The following PLEKHA6 variants were observed in gnomAD, a reference collection of about 807,000 sequenced individuals.
PLEKHA6 encodes the protein pleckstrin homology domain-containing family A member 6.
PLEKHA6 carries 60 observed loss-of-function variants against 116.7 expected under a neutral mutation model. That is an observed-to-expected ratio of 0.51 (90% CI 0.42 to 0.64). The LOEUF (loss-of-function observed/expected upper bound fraction) is 0.64, where lower values mean the gene tolerates loss of function less well. Among genes scored for constraint, PLEKHA6 ranks in the 30% least tolerant of loss-of-function variants. The probability of loss-of-function intolerance (pLI) is 0.00; values close to 1 mark genes in which losing one functional copy is unlikely to be tolerated. For synonymous variants in PLEKHA6, 489 were observed against 556.1 expected, an observed-to-expected ratio of 0.88 and a Z score of 1.70; for missense variants, 1,338 against 1,422.7, an observed-to-expected ratio of 0.94 and a Z score of 0.96.
chr1:204,331,668 T>TCC (rs1672454401), intron 1 of PLEKHA6, among the ~76,000 whole-genome samples: 5 of 151,814 alleles, frequency 3.3e-5, no homozygotes, highest in Admixed American at 2.0e-4. Context: ...AGAGCTCAAA[T>TCC]TTGCCAAGTA....
chr1:204,237,928 T>G (rs898543626), intron 17 of PLEKHA6, among the ~76,000 whole-genome samples: 1 of 152,310 alleles, frequency 6.6e-6, no homozygotes, highest in African/African-American at 2.4e-5. Flanking sequence ...GGATGGGAAA[T>G]AAATCCGACT....
chr1:204,227,945 C>T (rs370570101), intron 21 of PLEKHA6, 138 bp downstream of exon 21: 7 of 888,798 alleles, frequency 7.9e-6, no homozygotes, highest in African/African-American at 6.8e-5. Context: ...AACAGATGCT[C>T]GTCTCAACCT....
intron 3 of PLEKHA6, among the ~76,000 whole-genome samples, chr1:204,269,699 G>A (rs150332465): frequency 1.4e-4 from 21 of 152,100 alleles, no homozygotes; most frequent in African/African-American, 4.8e-4. Flanking sequence ...CACTATCTTT[G>A]CCTCTTCCCC....
chr1:204,229,938 G>C (rs1660931508), intron 18 of PLEKHA6, among the ~76,000 whole-genome samples: 1 of 152,188 alleles, frequency 6.6e-6, no homozygotes, highest in Admixed American at 6.5e-5. Flanking sequence ...CTGCAAAATA[G>C]GGATAATAAT....
Position 204,223,732 on chromosome 1 carries a change from A to C in PLEKHA6, c.3032-147T>G. 1.6e-6 allele frequency: 1 copy of C among 611,704 alleles called. No individual in the cohort carries two copies. Among genetic ancestry groups the C allele is most frequent in the Non-Finnish European group, 2.9e-6 (1 of 339,064 alleles). 37.9% of individuals were successfully genotyped at this position (611,704 alleles called of 1,614,324 possible). ...ACTGAGCTTGGAGCTTGCTCAAGCT[A>C]GGCCAAGCTGTCCTCATTCCCAGGG... On this transcript the variant is annotated intron_variant, in intron 21 of 22. Transcript: ENST00000272203. This position sits in a 1 kb window ranked among gnomAD's most constrained non-coding sequence, Gnocchi z 4.8.
At chr1:204,361,091 G>A (rs1429781286), upstream of PLEKHA6, among the ~76,000 whole-genome samples, 1 of 152,106 alleles carries the variant, frequency 6.6e-6, no homozygotes, top group Non-Finnish European at 1.5e-5. Flanking sequence ...TGGAAACTGG[G>A]GACTGAACCA....
chr1:204,280,667 CGAGACTGTCCATGCTCCAGAG>C (rs955035131), intron 1 of PLEKHA6, among the ~76,000 whole-genome samples: 1 of 152,120 alleles, frequency 6.6e-6, no homozygotes, highest in African/African-American at 2.4e-5. Flanking sequence ...AATTCCAAGC[CGAGACTGTCCATGCTCCAGAG>C]AGGATTTCTG....
chr1:204,310,857 T>G (rs1010275548), intron 1 of PLEKHA6, among the ~76,000 whole-genome samples: 12 of 151,976 alleles, frequency 7.9e-5, no homozygotes. Flanking sequence ...GTAAAGGACA[T>G]TTAGGGAGAG....
At chr1:204,296,323 C>T (rs1412278749) in intron 1 of PLEKHA6, among the ~76,000 whole-genome samples, 2 of 151,684 alleles carry the variant, frequency 1.3e-5, no homozygotes, top group African/African-American at 2.4e-5. Context: ...CAGTGCTTTG[C>T]CTGATTTTTT....
intron 17 of PLEKHA6, among the ~76,000 whole-genome samples, chr1:204,232,062 A>C (rs1205509589): frequency 6.6e-6 from 1 of 152,226 alleles, no homozygotes; most frequent in Non-Finnish European, 1.5e-5. Flanking sequence ...TCTCAGAAGG[A>C]AATGAGAAAC....
chr1:204,228,176 C>A lies in PLEKHA6; in HGVS notation c.2938G>T (p.Asp980Tyr). The A allele has an allele frequency of 1.2e-6, 2 of 1,613,170 alleles. No homozygotes were observed. Among genetic ancestry groups the A allele is most frequent in the Non-Finnish European group, 8.5e-7 (1 of 1,179,398 alleles). ...TGCTCCTGCAGCTGGCTCTCTGAGTCCTGGGGCACGTCCACAGAGTCCCCC... is the reference window on the plus strand; with the variant it reads ...TGCTCCTGCAGCTGGCTCTCTGAGTACTGGGGCACGTCCACAGAGTCCCCC... ...GEGDSVDVPQ[D>Y]SESQLQEQEK... The change falls in exon 21 of 23, where the codon GAC becomes TAC. Residue 980 changes from aspartate to tyrosine, a missense_variant. By Grantham distance (160) the Asp-to-Tyr change is radical. Around this residue, in one of 3 missense-constraint regions of PLEKHA6, gnomAD observed 1,136 missense variants for 1,163.6 expected, o/e 0.98. Transcript: ENST00000272203. This position sits in a 1 kb window ranked among gnomAD's most constrained non-coding sequence, Gnocchi z 4.0.
At chr1:204,280,958 G>T (rs1194219102) in intron 1 of PLEKHA6, 10 of 968,434 alleles carry the variant, frequency 1.0e-5, no homozygotes, top group Non-Finnish European at 1.2e-5. Flanking sequence ...GCCACATAAA[G>T]AAGAGGTCAA....
chr1:204,249,574 T>G (rs564963512), intron 10 of PLEKHA6, among the ~76,000 whole-genome samples: 30 of 152,292 alleles, frequency 2.0e-4, no homozygotes, highest in African/African-American at 7.2e-4. Context: ...GGAGATGATA[T>G]GACCTCACCT....
At chr1:204,289,381 C>T (rs1245476761) in intron 1 of PLEKHA6, among the ~76,000 whole-genome samples, 2 of 152,216 alleles carry the variant, frequency 1.3e-5, no homozygotes, top group East Asian at 3.9e-4. Flanking sequence ...GGCTACTCCT[C>T]CTCTTGCCAG....
At chr1:204,243,016 A>G (rs58223003) in intron 15 of PLEKHA6, 2 of 398,990 alleles carry the variant, frequency 5.0e-6, no homozygotes, top group African/African-American at 4.1e-5. Flanking sequence ...GGGAAAATTA[A>G]TGGGGAAAAT....
Position 204,233,593 on chromosome 1 carries a change from C to T in PLEKHA6, c.2410-3007G>A, listed in dbSNP as rs572511010. Among the ~76,000 whole-genome samples the T allele has an allele frequency of 4.7e-3, 719 of 152,190 alleles. 9 individuals carry two copies. The highest frequency in any genetic ancestry group is 0.016 in the African/African-American group (685 of 41,520). ...GTGTTGGGATTACAGGCATGAGCCA[C>T]CGCACCCAGCCCATCTGGCTAATTT... is the stretch of plus-strand genomic sequence containing the variant. On this transcript the variant is annotated intron_variant, in intron 17 of 22. Transcript: ENST00000272203.
intron 2 of PLEKHA6, 33 bp downstream of exon 2, chr1:204,274,696 A>G (rs1413144688): frequency 4.1e-6 from 4 of 985,894 alleles, no homozygotes; most frequent in Non-Finnish European, 4.8e-6. Flanking sequence ...TTAAGGGCAG[A>G]AAGCCCAAAC....
chr1:204,242,536 GC>G (rs1662975882), intron 15 of PLEKHA6, among the ~76,000 whole-genome samples: 3 of 152,078 alleles, frequency 2.0e-5, no homozygotes, highest in Admixed American at 2.0e-4. Context: ...CCAATTTTAG[GC>G]ACAGGACTCT....
At position 204,314,561 on chromosome 1, in the gene PLEKHA6, A is replaced by G. The variant is rs1671782656; in HGVS notation, c.-94-39752T>C. Among the ~76,000 whole-genome samples, 2 of 152,196 alleles carry G rather than the reference A, an allele frequency of 1.3e-5. 1 individual carries two copies. Among genetic ancestry groups the G allele is most frequent in the South Asian group, 4.1e-4 (2 of 4,834 alleles). On this transcript the variant is annotated intron_variant, in intron 1 of 22. Coordinates refer to ENST00000272203, the MANE Select transcript of PLEKHA6 (RefSeq NM_014935.5). The stretch of plus-strand genomic sequence containing the variant: ...CCAAGGAGACTGGAGGGGAATAGAC[A>G]GACACCTGCTGCCTCTGTAGCTCCT...
Sources: allele counts gnomAD v4.1 joint callset (sites outside exome capture counted in the v4.1 genomes callset), GRCh38; gene constraint gnomAD v4.1.1; regional missense constraint gnomAD v4.1.1; non-coding constraint Gnocchi (gnomAD v3.1); transcripts MANE v1.5; gene names NCBI Gene and HGNC (gene_info 2026-07-23, HGNC 2026-07-21).